Variants in CCDC85C observed in about 807,000 individuals in gnomAD.
CCDC85C encodes coiled-coil domain-containing protein 85C.
A neutral mutation model predicts 38.3 loss-of-function variants in CCDC85C; 18 were observed. That is an observed-to-expected ratio of 0.47 (90% CI 0.33 to 0.70). The LOEUF (loss-of-function observed/expected upper bound fraction) is 0.70. Among genes scored for constraint, CCDC85C ranks in the 30% least tolerant of loss-of-function variants. CCDC85C has a pLI of 0.03. For synonymous variants in CCDC85C, 264 were observed against 293.8 expected (o/e 0.90, Z 1.04); for missense variants, 566 against 621.2 (o/e 0.91, Z 0.94).
intron 1 of CCDC85C, among the ~76,000 whole-genome samples, chr14:99,577,732 TCCC>T (rs1157237038): frequency 2.9e-5 from 4 of 139,084 alleles, no homozygotes; most frequent in South Asian, 2.5e-4. Context: ...CCGTCCTGCA[TCCC>T]CCATCAGTGT....
chr14:99,534,897 G>A (rs1407756594), intron 2 of CCDC85C: 7 of 601,560 alleles, frequency 1.2e-5, no homozygotes, highest in South Asian at 5.9e-5. Context: ...GTGCACTTGC[G>A]CCTGTATGGT....
At chr14:99,571,293 G>C (rs966008448) in intron 1 of CCDC85C, among the ~76,000 whole-genome samples, 1 of 152,074 alleles carries the variant, frequency 6.6e-6, no homozygotes, top group Non-Finnish European at 1.5e-5. Context: ...GCCAAGGCCT[G>C]CCTGCCAGAG....
At chr14:99,595,835 C>T (rs530079478) in intron 1 of CCDC85C, among the ~76,000 whole-genome samples, 4 of 152,320 alleles carry the variant, frequency 2.6e-5, no homozygotes, top group African/African-American at 9.6e-5. Context: ...AAACAGGGAC[C>T]CCAATGGGGA....
intron 1 of CCDC85C, among the ~76,000 whole-genome samples, chr14:99,568,268 T>TTTTTTTTC (rs1285658456): frequency 6.8e-6 from 1 of 147,074 alleles, no homozygotes; most frequent in Non-Finnish European, 1.5e-5. Flanking sequence ...TTTTTTTTTT[T>TTTTTTTTC]TTGAGACAAA....
At chr14:99,551,034 A>G (rs550618902) in intron 1 of CCDC85C, among the ~76,000 whole-genome samples, 153 of 152,344 alleles carry the variant, frequency 1.0e-3, no homozygotes, top group African/African-American at 3.6e-3. Flanking sequence ...ATGTGGTATC[A>G]CCCATACAGC....
At chr14:99,564,675 G>T (rs17098834) in intron 1 of CCDC85C, among the ~76,000 whole-genome samples, 6,051 of 152,320 alleles carry the variant, frequency 0.04, 244 homozygotes, top group African/African-American at 0.1. Context: ...GAAGTATCTG[G>T]CTGGGGCAAT....
At position 99,516,428 on chromosome 14, in the gene CCDC85C, G is replaced by A; in HGVS notation, c.1072-142C>T. Reference sequence around the variant, plus strand: ...CGCTGGGCCCCTGGGGACAAGCGTGGAAAAAACTGAGGGGCAGGTTGTCAT... The same window carrying A: ...CGCTGGGCCCCTGGGGACAAGCGTGAAAAAAACTGAGGGGCAGGTTGTCAT... On this transcript the variant is annotated intron_variant, in intron 4 of 5. Coordinates refer to ENST00000380243, the MANE Select transcript of CCDC85C (RefSeq NM_001144995.2). This position sits in a 1 kb window ranked among gnomAD's most constrained non-coding sequence, Gnocchi z 5.5. 1 of 629,622 alleles carries A rather than the reference G, an allele frequency of 1.6e-6. No homozygotes were observed. The highest frequency in any genetic ancestry group is 2.8e-5 in the East Asian group (1 of 36,278). The allele number at this position is 629,622 out of a possible 1,614,324, so 39.0% of individuals were successfully genotyped here.
At chr14:99,554,555 T>A (rs1401901316) in intron 1 of CCDC85C, among the ~76,000 whole-genome samples, 1 of 152,154 alleles carries the variant, frequency 6.6e-6, no homozygotes, top group East Asian at 1.9e-4. Flanking sequence ...TCCAAGCAGG[T>A]GACAGCAGGA....
intron 3 of CCDC85C, among the ~76,000 whole-genome samples, chr14:99,517,976 C>T (rs575832769): frequency 1.3e-4 from 20 of 152,312 alleles, no homozygotes; most frequent in African/African-American, 4.8e-4. Context: ...CCAGCGGTGC[C>T]CTGTGGGCCC....
At chr14:99,526,117 A>G (rs1329702765) in intron 2 of CCDC85C, among the ~76,000 whole-genome samples, 1 of 152,154 alleles carries the variant, frequency 6.6e-6, no homozygotes, top group Non-Finnish European at 1.5e-5. Flanking sequence ...ACCCCAACAC[A>G]GGCCTCCCCC....
In CCDC85C at chr14:99,500,247, C is replaced by G. The variant is rs569133475; in HGVS notation, c.*14999G>C. On this transcript the variant is annotated 3_prime_UTR_variant, in exon 6 of 6. Coordinates refer to ENST00000380243, the MANE Select transcript of CCDC85C (RefSeq NM_001144995.2). ...AAGATTTAAACACAAAATTGATTTG[C>G]CCCCATTTGCACGTAATACACTATA... 6.6e-6 allele frequency: 1 copy of G among 152,304 alleles called. No individual in the cohort carries two copies. The highest frequency in any genetic ancestry group is 1.9e-4 in the East Asian group (1 of 5,182). The allele number at this position is 152,304 out of a possible 1,614,324, so 9.4% of individuals were successfully genotyped here.
Position 99,507,268 on chromosome 14 carries a change from G to A in CCDC85C, c.*7978C>T, listed in dbSNP as rs1896998913. The A allele has an allele frequency of 4.0e-6, 3 of 747,464 alleles. No individual in the cohort carries two copies. Among genetic ancestry groups the A allele is most frequent in the East Asian group, 2.5e-5 (1 of 40,556 alleles). 46.3% of individuals were successfully genotyped at this position (747,464 alleles called of 1,614,324 possible). Reference sequence around the variant, plus strand: ...CCCAGATTGACAATGTCAGCCACAGGCAGGAATCTTTGCAAAATTGTTCTT... The same window carrying A: ...CCCAGATTGACAATGTCAGCCACAGACAGGAATCTTTGCAAAATTGTTCTT... On this transcript the variant is annotated 3_prime_UTR_variant, in exon 6 of 6. Transcript: ENST00000380243.
intron 1 of CCDC85C, among the ~76,000 whole-genome samples, chr14:99,577,741 A>AGTGT (rs148440733): frequency 7.9e-6 from 1 of 127,200 alleles, no homozygotes; most frequent in African/African-American, 3.2e-5. Context: ...ATCCCCCATC[A>AGTGT]GTGTGTGTGT....
Position 99,500,992 on chromosome 14 carries a change from G to T in CCDC85C, c.*14254C>A. 1.5e-6 allele frequency: 1 copy of T among 680,070 alleles called. No individual in the cohort carries two copies. Among genetic ancestry groups the T allele is most frequent in the Non-Finnish European group, 2.6e-6 (1 of 387,038 alleles). The allele number at this position is 680,070 out of a possible 1,614,324, so 42.1% of individuals were successfully genotyped here. The stretch of plus-strand genomic sequence containing the variant: ...AAGTTTGATGTGTGAAATACCAAGG[G>T]CATGGCTTGCTCAGTCAATTCAGCA... On this transcript the variant is annotated 3_prime_UTR_variant, in exon 6 of 6. Transcript: ENST00000380243.
Position 99,502,688 on chromosome 14 carries a change from G to C in CCDC85C, c.*12558C>G, listed in dbSNP as rs901355751. The stretch of plus-strand genomic sequence containing the variant: ...AAAATTTTATTTAAAATACCAATTT[G>C]TGTAAAATGTAATTGTTGGCTATCA... On this transcript the variant is annotated 3_prime_UTR_variant, in exon 6 of 6. Transcript: ENST00000380243. The C allele has an allele frequency of 2.5e-6, 4 of 1,598,370 alleles. No individual in the cohort carries two copies. The highest frequency in any genetic ancestry group is 1.3e-5 in the African/African-American group (1 of 74,544).
chr14:99,506,485 G>T lies in CCDC85C; in HGVS notation c.*8761C>A, dbSNP rs995384453. The T allele has an allele frequency of 6.5e-6, 1 of 153,324 alleles. No homozygotes were observed. Among genetic ancestry groups the T allele is most frequent in the African/African-American group, 2.4e-5 (1 of 41,436 alleles). The allele number at this position is 153,324 out of a possible 1,614,324, so 9.5% of individuals were successfully genotyped here. On this transcript the variant is annotated 3_prime_UTR_variant, in exon 6 of 6. Transcript: ENST00000380243. The stretch of plus-strand genomic sequence containing the variant: ...GTGGGCTGTTTCCTCCACCTCAAGG[G>T]GTCCTGACTGCTGGGCTTTTGTGAG...
At chr14:99,554,218 G>C (rs1359524326) in intron 1 of CCDC85C, among the ~76,000 whole-genome samples, 1 of 152,106 alleles carries the variant, frequency 6.6e-6, no homozygotes, top group Non-Finnish European at 1.5e-5. Context: ...CAGCACACGA[G>C]CTCCCCCATG....
In CCDC85C at chr14:99,511,639, G is replaced by C. The variant is rs1897133667; in HGVS notation, c.*3607C>G. On this transcript the variant is annotated 3_prime_UTR_variant, in exon 6 of 6. Coordinates refer to ENST00000380243, the MANE Select transcript of CCDC85C (RefSeq NM_001144995.2). ...GGGAGAGGCCTGGCTGCAGCTCACA[G>C]CAGCCACAGCCAACCCCACTGCCTC... The C allele has an allele frequency of 6.6e-6, 1 of 152,484 alleles. No individual in the cohort carries two copies. Among genetic ancestry groups the C allele is most frequent in the Admixed American group, 6.5e-5 (1 of 15,282 alleles). The allele number at this position is 152,484 out of a possible 1,614,324, so 9.4% of individuals were successfully genotyped here.
chr14:99,557,640 CCACATGGCTCA>C (rs1300934996), intron 1 of CCDC85C, among the ~76,000 whole-genome samples: 1 of 152,190 alleles, frequency 6.6e-6, no homozygotes, highest in Admixed American at 6.5e-5. Context: ...CAGGTGGCTC[CCACATGGCTCA>C]CACATGTAAT....
Sources: allele counts gnomAD v4.1 joint callset (sites outside exome capture counted in the v4.1 genomes callset), GRCh38; gene constraint gnomAD v4.1.1; non-coding constraint Gnocchi (gnomAD v3.1); transcripts MANE v1.5; gene names NCBI Gene and HGNC (gene_info 2026-07-23, HGNC 2026-07-21).